Variants in MOCS1 observed in about 807,000 individuals in gnomAD.
MOCS1 encodes the protein molybdenum cofactor biosynthesis protein 1.
MOCS1 carries 39 observed loss-of-function variants against 57.6 expected under a neutral mutation model. The ratio of observed to expected loss-of-function variants is 0.68; its 90% confidence interval spans 0.52 to 0.88. MOCS1 has a LOEUF of 0.88. Ranked by LOEUF, MOCS1 falls within the 40% of genes least tolerant of loss-of-function variation. The pLI, the probability that MOCS1 is intolerant of heterozygous loss-of-function variation, is 0.00. For synonymous variants in MOCS1, 334 were observed against 335.7 expected, an observed-to-expected ratio of 1.00 and a Z score of 0.05; for missense variants, 795 against 831.1, an observed-to-expected ratio of 0.96 and a Z score of 0.53.
chr6:39,908,973 G>T, intron 10 of MOCS1, 82 bp downstream of exon 10: 1 of 1,131,126 alleles, frequency 8.8e-7, no homozygotes, highest in Non-Finnish European at 1.4e-6. Flanking sequence ...TGCAGGAGCT[G>T]GGGGTGCCTA....
intron 3 of MOCS1, among the ~76,000 whole-genome samples, chr6:39,923,789 G>A (rs899857794): frequency 3.9e-5 from 6 of 152,362 alleles, no homozygotes; most frequent in African/African-American, 1.2e-4. Flanking sequence ...CTGTCAGGGG[G>A]ACCTGGGCCC....
intron 1 of MOCS1, chr6:39,927,815 G>T (rs928883977): frequency 3.9e-6 from 5 of 1,278,972 alleles, no homozygotes; most frequent in Middle Eastern, 3.0e-4. Flanking sequence ...CATGGTCTCG[G>T]GCATAAATGA....
intron 4 of MOCS1, among the ~76,000 whole-genome samples, chr6:39,915,474 T>C (rs574074422): frequency 9.2e-5 from 14 of 152,248 alleles, no homozygotes; most frequent in Admixed American, 2.0e-4. Context: ...ATGAGGTCCA[T>C]GCCAAAGGGA....
At chr6:39,925,561 G>T in intron 3 of MOCS1, 117 bp downstream of exon 3, 1 of 1,206,274 alleles carries the variant, frequency 8.3e-7, no homozygotes, top group South Asian at 1.3e-5. Flanking sequence ...GGTGTTGTAG[G>T]ACCAAGAGAG....
At chr6:39,930,016 T>G (rs1323741144) in intron 1 of MOCS1, among the ~76,000 whole-genome samples, 3 of 151,880 alleles carry the variant, frequency 2.0e-5, no homozygotes, top group African/African-American at 7.3e-5. Flanking sequence ...GATTTCACTT[T>G]TAAGAACTTC....
intron 10 of MOCS1, among the ~76,000 whole-genome samples, chr6:39,907,571 T>C (rs1199263539): frequency 6.6e-6 from 1 of 152,192 alleles, no homozygotes; most frequent in Non-Finnish European, 1.5e-5. Context: ...TATAACCACT[T>C]AGTTTACAGA....
At position 39,930,721 on chromosome 6, in the gene MOCS1, GA is replaced by G. The variant is rs571525024; in HGVS notation, c.124-3267del. On this transcript the variant is annotated intron_variant, in intron 1 of 10. Coordinates refer to ENST00000340692, the MANE Select transcript of MOCS1 (RefSeq NM_001358530.2). Reference sequence around the variant, plus strand: ...GCCTCAGCTGTGCAGCCAGGGCTGAGAACCATCGGCCTAGTGACACCAAGTG... The same window carrying G: ...GCCTCAGCTGTGCAGCCAGGGCTGAGACCATCGGCCTAGTGACACCAAGTG... Among the ~76,000 whole-genome samples, 206 of 152,256 alleles carry G rather than the reference GA, an allele frequency of 1.4e-3. 1 individual carries two copies. Among genetic ancestry groups the G allele is most frequent in the South Asian group, 9.3e-3 (45 of 4,820 alleles).
intron 3 of MOCS1, among the ~76,000 whole-genome samples, chr6:39,918,182 C>T (rs1486192140): frequency 6.6e-6 from 1 of 152,228 alleles, no homozygotes; most frequent in East Asian, 1.9e-4. Context: ...TGGACAGTGC[C>T]ACTGACTACA....
chr6:39,933,658 G>A (rs1768757397), intron 1 of MOCS1, among the ~76,000 whole-genome samples: 1 of 152,164 alleles, frequency 6.6e-6, no homozygotes, highest in Admixed American at 6.5e-5. Context: ...AGGGGTGCTG[G>A]CAAGGACTGA....
At chr6:39,934,208 T>C in intron 1 of MOCS1, 87 bp downstream of exon 1, 1 of 1,437,200 alleles carries the variant, frequency 7.0e-7, no homozygotes, top group Non-Finnish European at 9.1e-7. Context: ...GTCAAGCAGA[T>C]AGGCCGGGAG....
chr6:39,932,686 A>G (rs1768702881), intron 1 of MOCS1, among the ~76,000 whole-genome samples: 1 of 152,230 alleles, frequency 6.6e-6, no homozygotes, highest in Non-Finnish European at 1.5e-5. Flanking sequence ...CTATCCAACA[A>G]GTCCAGATGG....
Position 39,913,854 on chromosome 6 carries a change from G to A in MOCS1, c.584-19C>T. The A allele has an allele frequency of 6.2e-7, 1 of 1,613,540 alleles. No individual in the cohort carries two copies. The highest frequency in any genetic ancestry group is 1.1e-5 in the South Asian group (1 of 91,066). ...TGGAAGCCTGGGAGGGAGAAACAAG[G>A]ATCCAGGAACTTCTGTCCTCTCTCC... On this transcript the variant is annotated intron_variant, in intron 4 of 10. Transcript: ENST00000340692.
intron 1 of MOCS1, among the ~76,000 whole-genome samples, chr6:39,928,667 G>A (rs1562103180): frequency 6.6e-6 from 1 of 152,176 alleles, no homozygotes; most frequent in Non-Finnish European, 1.5e-5. Context: ...GGTATGACCT[G>A]GTACACTGTG....
rs780338824 is a variant in MOCS1, at chr6:39,913,774, C to T, written c.645G>A (p.Lys215=). Residue 215 remains lysine (K), a splice_region_variant and synonymous_variant, in exon 5 of 11, where the codon AAG becomes AAA. Coordinates refer to ENST00000340692, the MANE Select transcript of MOCS1 (RefSeq NM_001358530.2). ...ATCTACGGCAGGGGCACGGCCTCAC[C>T]TTCACAGGGTTGTAGCCCAGCTCGA... ...KAIELGYNPV[K]VNCVVMRGLN... is the part of the protein sequence containing the mutation. The T allele has an allele frequency of 6.2e-7, 1 of 1,614,202 alleles. No homozygotes were observed. Among genetic ancestry groups the T allele is most frequent in the South Asian group, 1.1e-5 (1 of 91,090 alleles).
rs767641674 is a variant in MOCS1 at position 39,916,221 on chromosome 6, G to A, written c.430C>T (p.Arg144Trp). ...DVVDIVAQLQRLEGLRTIGVT... is the reference protein window; with the variant it reads ...DVVDIVAQLQWLEGLRTIGVT... ...CCTATGGTTCTCAGCCCTTCCAGCC[G>A]CTGGAGCTGGGCTGTAAGGACAACA... Residue 144 changes from arginine (R) to tryptophan (W), a missense_variant, in exon 4 of 11, where the codon CGG becomes TGG. Arg to Trp is a moderately radical substitution (Grantham distance 101). This residue lies in a region of MOCS1 where 416 missense variants were observed against 392.4 expected (regional missense o/e 1.06). Coordinates refer to ENST00000340692, the MANE Select transcript of MOCS1 (RefSeq NM_001358530.2). The A allele has an allele frequency of 3.8e-5, 61 of 1,613,576 alleles. No homozygotes were observed. The highest frequency in any genetic ancestry group is 1.6e-4 in the Middle Eastern group (1 of 6,084).
rs770165466 is a variant in MOCS1 at position 39,907,034 on chromosome 6, G to C, written c.1234C>G (p.Pro412Ala). 1.9e-6 allele frequency: 3 copies of C among 1,613,814 alleles called. No homozygotes were observed. Among genetic ancestry groups the C allele is most frequent in the East Asian group, 2.2e-5 (1 of 44,844 alleles). Residue 412 changes from proline (P) to alanine (A), a missense_variant, in exon 11 of 11, where the codon CCC (proline) becomes GCC (alanine). Transcript: ENST00000340692. ...ACCTGGCTGGAGAAACTCATTCTGG[G>C]TCTTAGACCCTGAACATGGAGCGGG... ...WDPLHVQGLR[P>A]RMSFSSQVAT...
intron 1 of MOCS1, 84 bp downstream of exon 1, chr6:39,934,211 G>A: frequency 6.9e-7 from 1 of 1,444,458 alleles, no homozygotes; most frequent in Non-Finnish European, 9.1e-7. Flanking sequence ...AAGCAGATAG[G>A]CCGGGAGCTA....
intron 1 of MOCS1, among the ~76,000 whole-genome samples, chr6:39,928,573 A>C (rs1768471968): frequency 6.6e-6 from 1 of 152,166 alleles, no homozygotes; most frequent in African/African-American, 2.4e-5. Flanking sequence ...ATTTCAGACA[A>C]AAAAATCACG....
rs753117525 is a variant in MOCS1, at chr6:39,912,390, T to C, written c.871-16A>G. 30 of 1,590,204 alleles carry C rather than the reference T, an allele frequency of 1.9e-5. No individual in the cohort carries two copies. Among genetic ancestry groups the C allele is most frequent in the Non-Finnish European group, 2.4e-5 (28 of 1,159,156 alleles). ...TTTTAAAGGCCTGGGCAGGGGAGAGTGGGAGCAAAAGGGCAGTGGAGGGGA... is the reference window on the plus strand; with the variant it reads ...TTTTAAAGGCCTGGGCAGGGGAGAGCGGGAGCAAAAGGGCAGTGGAGGGGA... On this transcript the variant is annotated splice_polypyrimidine_tract_variant and intron_variant, in intron 7 of 10. Transcript: ENST00000340692.
Sources: gnomAD v4.1 joint callset for allele counts (sites outside exome capture counted in the v4.1 genomes callset) on GRCh38, gnomAD v4.1.1 for gene constraint, gnomAD v4.1.1 regional missense constraint, MANE v1.5 for transcripts, NCBI Gene and HGNC (gene_info 2026-07-23, HGNC 2026-07-21) for gene names.